Variants in GNB4 observed in about 807,000 individuals in gnomAD.
The protein encoded by GNB4 is G protein subunit beta 4, also known as guanine nucleotide-binding protein subunit beta-4.
Under a neutral mutation model 45.2 loss-of-function variants are expected in GNB4, and 28 were observed. The ratio of observed to expected loss-of-function variants is 0.62; its 90% CI spans 0.46 to 0.85. The LOEUF (loss-of-function observed/expected upper bound fraction) is 0.85. Among genes scored for constraint, GNB4 ranks in the 40% least tolerant of loss-of-function variants. The pLI, the probability that GNB4 is intolerant of heterozygous loss-of-function variation, is 0.00. For synonymous variants in GNB4, 132 were observed against 143.7 expected, an observed-to-expected ratio of 0.92 and a Z score of 0.58; for missense variants, 321 against 425.4, an observed-to-expected ratio of 0.75 and a Z score of 2.16.
chr3:179,488,107 C>T, the GNB4 span, among the ~76,000 whole-genome samples: 4 of 151,790 alleles, frequency 2.6e-5, no homozygotes, highest in African/African-American at 9.7e-5. Flanking sequence ...AAGAACTGAT[C>T]CTCCTGTTCC....
the GNB4 span, among the ~76,000 whole-genome samples, chr3:179,489,002 A>AT: frequency 1.4e-4 from 5 of 36,610 alleles, no homozygotes; most frequent in Admixed American, 3.7e-4. Flanking sequence ...AAAAAAAAAA[A>AT]AAAAAAAAAA....
At chr3:179,426,458 T>C (rs1715149904) in intron 1 of GNB4, among the ~76,000 whole-genome samples, 2 of 152,158 alleles carry the variant, frequency 1.3e-5, no homozygotes, top group South Asian at 4.1e-4. Context: ...GAGGAGAAAT[T>C]CCAAGTTGTA....
At chr3:179,461,427 G>A in the GNB4 span, among the ~76,000 whole-genome samples, 2 of 151,684 alleles carry the variant, frequency 1.3e-5, no homozygotes, top group Non-Finnish European at 2.9e-5. Context: ...AACCCGGGAG[G>A]CGGAGCTTGC....
chr3:179,510,992 C>G, the GNB4 span, among the ~76,000 whole-genome samples: 1 of 152,084 alleles, frequency 6.6e-6, no homozygotes, highest in Non-Finnish European at 1.5e-5. Context: ...TGCTCTGACT[C>G]CCACCCCCCA....
chr3:179,409,338 C>T (rs986156810), intron 8 of GNB4, among the ~76,000 whole-genome samples: 3 of 151,012 alleles, frequency 2.0e-5, no homozygotes, highest in Admixed American at 6.6e-5. Flanking sequence ...GGAGAAACCT[C>T]GTCTCCACTA....
At chr3:179,411,069 T>C (rs1202538848) in intron 8 of GNB4, among the ~76,000 whole-genome samples, 3 of 152,148 alleles carry the variant, frequency 2.0e-5, no homozygotes, top group Non-Finnish European at 2.9e-5. Context: ...TGATCTATGA[T>C]AGAAATAACT....
At chr3:179,477,727 G>GA in the GNB4 span, among the ~76,000 whole-genome samples, 5 of 151,544 alleles carry the variant, frequency 3.3e-5, no homozygotes, top group South Asian at 2.1e-4. Context: ...TGTAAAAAAT[G>GA]AAAAAAAAGA....
the GNB4 span, chr3:179,465,068 A>G: frequency 6.8e-7 from 1 of 1,480,950 alleles, no homozygotes. Flanking sequence ...GCAGTTGAAG[A>G]AACATACAAT....
upstream of GNB4, among the ~76,000 whole-genome samples, chr3:179,456,266 G>T (rs1273770348): frequency 6.6e-6 from 1 of 152,040 alleles, no homozygotes; most frequent in African/African-American, 2.4e-5. Context: ...TAATTTTTTT[G>T]TATTTTTGTA....
chr3:179,456,804 T>C, the GNB4 span, among the ~76,000 whole-genome samples: 2 of 106,212 alleles, frequency 1.9e-5, no homozygotes, highest in African/African-American at 7.6e-5. Flanking sequence ...GATTATCATA[T>C]AAGTGGAACC....
intron 8 of GNB4, among the ~76,000 whole-genome samples, chr3:179,406,318 G>A (rs1560210191): frequency 6.6e-6 from 1 of 152,036 alleles, no homozygotes; most frequent in Non-Finnish European, 1.5e-5. Context: ...TACGTGTAAT[G>A]CCTTAAGTGA....
chr3:179,462,838 A>C, the GNB4 span, among the ~76,000 whole-genome samples: 71,524 of 151,564 alleles, frequency 0.47, 17,305 homozygotes, highest in East Asian at 0.73. Context: ...CTCCGTCCCC[A>C]AAAAAAAATT....
chr3:179,522,288 C>T, the GNB4 span, among the ~76,000 whole-genome samples: 7 of 147,460 alleles, frequency 4.7e-5, no homozygotes, highest in African/African-American at 1.6e-4. Flanking sequence ...TGAACCCCCG[C>T]CCCTGCCCAC....
At chr3:179,506,848 C>T in the GNB4 span, among the ~76,000 whole-genome samples, 13 of 152,066 alleles carry the variant, frequency 8.5e-5, no homozygotes, top group Non-Finnish European at 1.3e-4. Context: ...GGATTTCCTT[C>T]CCCTTATCTT....
chr3:179,405,130 T>A, intron 9 of GNB4, 60 bp downstream of exon 9: 1 of 1,315,926 alleles, frequency 7.6e-7, no homozygotes, highest in Non-Finnish European at 1.1e-6. Context: ...AGAACACAAC[T>A]GATGGGAACC....
intron 1 of GNB4, among the ~76,000 whole-genome samples, chr3:179,450,016 A>T (rs1715828300): frequency 6.6e-6 from 1 of 152,262 alleles, no homozygotes; most frequent in African/African-American, 2.4e-5. Flanking sequence ...TGGGCCCACA[A>T]AGAGTTGAAC....
the GNB4 span, among the ~76,000 whole-genome samples, chr3:179,506,068 C>T: frequency 5.9e-5 from 9 of 152,166 alleles, no homozygotes; most frequent in Non-Finnish European, 1.3e-4. Flanking sequence ...AGCTGCCGGG[C>T]GCGGTGGCTC....
intron 1 of GNB4, among the ~76,000 whole-genome samples, chr3:179,430,232 G>C (rs952036169): frequency 1.3e-5 from 2 of 151,866 alleles, no homozygotes; most frequent in Admixed American, 1.3e-4. Context: ...CCCACAGGTG[G>C]GCACTACCAC....
Position 179,422,427 on chromosome 3 carries a change from G to C in GNB4, c.58-1500C>G, listed in dbSNP as rs1021744281. ...GGATCGCTCGAGCCCAGGAGTTTTA[G>C]ATAAGCCTGGGCAAAACAGTGAGAC... On this transcript the variant is annotated intron_variant, in intron 2 of 9. Coordinates refer to ENST00000232564, the MANE Select transcript of GNB4 (RefSeq NM_021629.4). Among the ~76,000 whole-genome samples, 3 of 149,902 alleles carry C rather than the reference G, an allele frequency of 2.0e-5. No homozygotes were observed. In the East Asian group the frequency reaches 5.9e-4, roughly 29 times the overall value.
Sources: allele counts gnomAD v4.1 joint callset (sites outside exome capture counted in the v4.1 genomes callset), GRCh38; gene constraint gnomAD v4.1.1; transcripts MANE v1.5; gene names NCBI Gene and HGNC (gene_info 2026-07-23, HGNC 2026-07-21).